Variants in DENND1A observed in about 807,000 individuals in gnomAD.
The protein encoded by DENND1A is DENN domain containing 1A, also known as DENN domain-containing protein 1A.
A neutral mutation model predicts 113.7 loss-of-function variants in DENND1A; 51 were observed. The ratio of observed to expected loss-of-function variants is 0.45; its 90% CI spans 0.36 to 0.57. The LOEUF (loss-of-function observed/expected upper bound fraction) is 0.57, where lower values mean the gene tolerates loss of function less well. DENND1A is among the 20% of genes least tolerant of loss of function. The pLI is 0.00. For synonymous variants in DENND1A, 565 were observed against 570.8 expected, an observed-to-expected ratio of 0.99 and a Z score of 0.14; for missense variants, 1,258 against 1,395.9, an observed-to-expected ratio of 0.90 and a Z score of 1.57.
chr9:123,905,070 A>C (rs1399561044), intron 1 of DENND1A, among the ~76,000 whole-genome samples: 1 of 152,082 alleles, frequency 6.6e-6, no homozygotes, highest in Non-Finnish European at 1.5e-5. Context: ...CTTAAAGAAA[A>C]GAATTTTCAA....
Position 123,583,218 on chromosome 9 carries a change from T to A in DENND1A, c.818A>T (p.Asn273Ile). 6.2e-7 allele frequency: 1 copy of A among 1,613,078 alleles called. No homozygotes were observed. Among genetic ancestry groups the A allele is most frequent in the Non-Finnish European group, 8.5e-7 (1 of 1,179,464 alleles). Residue 273 changes from asparagine to isoleucine, a missense_variant, in exon 12 of 24, where the codon AAC (asparagine) becomes ATC (isoleucine). This residue lies in a region of DENND1A where 1,159 missense variants were observed against 1,231.7 expected (regional missense o/e 0.94). Transcript: ENST00000394215. Reference sequence around the variant, plus strand: ...GTCATCGAAGGGGGTTTCCAGGGTGTTGGTGTCCACATTCAGGATCACGAC... The same window carrying A: ...GTCATCGAAGGGGGTTTCCAGGGTGATGGTGTCCACATTCAGGATCACGAC... ...DDVVILNVDT[N>I]TLETPFDDLQ...
At chr9:123,800,922 T>A (rs1222642089) in intron 2 of DENND1A, among the ~76,000 whole-genome samples, 1 of 152,206 alleles carries the variant, frequency 6.6e-6, no homozygotes, top group East Asian at 1.9e-4. Flanking sequence ...CATGTTCTCA[T>A]CGTGTGTTCT....
chr9:123,827,942 C>T (rs1004356253), intron 2 of DENND1A, among the ~76,000 whole-genome samples: 1 of 152,016 alleles, frequency 6.6e-6, no homozygotes, highest in Admixed American at 6.6e-5. Flanking sequence ...TACCCTAGAC[C>T]TTAAAATATA....
At chr9:123,579,776 C>T (rs768538891) in intron 12 of DENND1A, among the ~76,000 whole-genome samples, 1 of 152,118 alleles carries the variant, frequency 6.6e-6, no homozygotes, top group South Asian at 2.1e-4. Context: ...AGGCAGGGCA[C>T]GATTTCTCCT....
At chr9:123,456,315 A>C (rs974229110) in intron 15 of DENND1A, among the ~76,000 whole-genome samples, 1 of 138,618 alleles carries the variant, frequency 7.2e-6, no homozygotes, top group Non-Finnish European at 1.7e-5. Flanking sequence ...CATGGGTATT[A>C]TTTTGCATCT....
intron 13 of DENND1A, among the ~76,000 whole-genome samples, chr9:123,533,444 A>T (rs974384506): frequency 6.6e-6 from 1 of 152,178 alleles, no homozygotes; most frequent in Non-Finnish European, 1.5e-5. Context: ...TTAGAACAGG[A>T]GAGGAAGAAA....
chr9:123,649,846 A>C (rs2062547083), intron 9 of DENND1A, among the ~76,000 whole-genome samples: 1 of 152,192 alleles, frequency 6.6e-6, no homozygotes, highest in African/African-American at 2.4e-5. Flanking sequence ...CATTTATGAG[A>C]GCAAAATCAC....
chr9:123,538,805 C>T (rs2056017695), intron 13 of DENND1A, among the ~76,000 whole-genome samples: 1 of 50,088 alleles, frequency 2.0e-5, no homozygotes, highest in African/African-American at 9.0e-5. Context: ...GGTGACAACT[C>T]ATACATATAT....
intron 12 of DENND1A, among the ~76,000 whole-genome samples, chr9:123,582,638 A>G (rs897357406): frequency 4.0e-5 from 6 of 151,612 alleles, no homozygotes; most frequent in African/African-American, 1.2e-4. Flanking sequence ...TGACCTCATG[A>G]TCTGCCCGCC....
At chr9:123,881,691 C>T (rs929251868) in intron 1 of DENND1A, among the ~76,000 whole-genome samples, 1 of 152,198 alleles carries the variant, frequency 6.6e-6, no homozygotes, top group African/African-American at 2.4e-5. Flanking sequence ...GACACCAACA[C>T]ATTATCCTGT....
At chr9:123,770,303 G>C (rs1321127259) in intron 3 of DENND1A, among the ~76,000 whole-genome samples, 6 of 151,988 alleles carry the variant, frequency 3.9e-5, no homozygotes, top group Admixed American at 3.9e-4. Context: ...GGTACATAAA[G>C]CCAAGCACAT....
chr9:123,648,890 C>T (rs1234991755), intron 9 of DENND1A, among the ~76,000 whole-genome samples: 1 of 152,132 alleles, frequency 6.6e-6, no homozygotes, highest in African/African-American at 2.4e-5. Flanking sequence ...TACAATGCCA[C>T]CTTTTATAAA....
chr9:123,397,952 G>C (rs777133924), intron 21 of DENND1A, among the ~76,000 whole-genome samples: 1 of 152,172 alleles, frequency 6.6e-6, no homozygotes, highest in African/African-American at 2.4e-5. Context: ...CAAGACCCTC[G>C]TGTGACTGGA....
In DENND1A at chr9:123,609,400, G is replaced by C. The variant is rs1265066425; in HGVS notation, c.765+36C>G. Reference sequence around the variant, plus strand: ...CGCCACACAATGAAACAAAGCCCCAGGTAGAGCCATCTGGGGAGGAAAGAA... The same window carrying C: ...CGCCACACAATGAAACAAAGCCCCACGTAGAGCCATCTGGGGAGGAAAGAA... On this transcript the variant is annotated intron_variant, in intron 11 of 23. Coordinates refer to ENST00000394215, the MANE Select transcript of DENND1A (RefSeq NM_001352964.2). 4 of 1,610,684 alleles carry C rather than the reference G, an allele frequency of 2.5e-6. No homozygotes were observed. In the South Asian group the frequency reaches 3.3e-5, roughly 13 times the overall value.
chr9:123,486,849 T>C (rs899341388), intron 13 of DENND1A, among the ~76,000 whole-genome samples: 2 of 151,968 alleles, frequency 1.3e-5, no homozygotes, highest in Non-Finnish European at 2.9e-5. Context: ...GTAATAAAAC[T>C]CTCTTTTCCC....
rs144707806 is a variant in DENND1A, at chr9:123,920,510, T to C, written c.17+9379A>G. 8.5e-5 allele frequency among the ~76,000 whole-genome samples: 13 copies of C among 152,330 alleles called. No individual in the cohort carries two copies. In the East Asian group the frequency reaches 2.3e-3, roughly 27 times the overall value. The stretch of plus-strand genomic sequence containing the variant: ...GATAAATATAAATTATTTGTATAAA[T>C]CTTTTATAAAACTGAATAGATTTCC... On this transcript the variant is annotated intron_variant, in intron 1 of 23. Coordinates refer to ENST00000394215, the MANE Select transcript of DENND1A (RefSeq NM_001352964.2).
At chr9:123,447,983 A>T (rs1478548961) in intron 18 of DENND1A, among the ~76,000 whole-genome samples, 1 of 152,224 alleles carries the variant, frequency 6.6e-6, no homozygotes, top group African/African-American at 2.4e-5. Flanking sequence ...AGTCTGTGGA[A>T]ATCTGTACGA....
At chr9:123,565,439 T>C (rs1311619752) in intron 12 of DENND1A, among the ~76,000 whole-genome samples, 2 of 152,078 alleles carry the variant, frequency 1.3e-5, no homozygotes, top group Non-Finnish European at 2.9e-5. Context: ...TTCCTGGGAG[T>C]TGCATTAACT....
At chr9:123,779,872 C>CTTTTTTTTTTTTTTT (rs72419269) in intron 3 of DENND1A, among the ~76,000 whole-genome samples, 4 of 143,874 alleles carry the variant, frequency 2.8e-5, no homozygotes, top group South Asian at 2.2e-4. Context: ...TTGCATGAGA[C>CTTTTTTTTTTTTTTT]TTTTTTTTGA....
Sources: gnomAD v4.1 joint callset for allele counts (sites outside exome capture counted in the v4.1 genomes callset) on GRCh38, gnomAD v4.1.1 for gene constraint, gnomAD v4.1.1 regional missense constraint, MANE v1.5 for transcripts, NCBI Gene and HGNC (gene_info 2026-07-23, HGNC 2026-07-21) for gene names.